PDE10A: variants seen among roughly 807,000 people sequenced by gnomAD.
The protein encoded by PDE10A is cAMP and cAMP-inhibited cGMP 3',5'-cyclic phosphodiesterase 10A.
A neutral mutation model predicts 97.7 loss-of-function variants in PDE10A; 39 were observed. That is an observed-to-expected ratio of 0.40 (90% CI 0.31 to 0.52). The LOEUF (loss-of-function observed/expected upper bound fraction) is 0.52, where lower values mean the gene tolerates loss of function less well. PDE10A is among the 20% of genes least tolerant of loss of function. The probability of loss-of-function intolerance (pLI) is 0.56; values close to 1 mark genes in which losing one functional copy is unlikely to be tolerated. For synonymous variants in PDE10A, 371 were observed against 376.8 expected, an observed-to-expected ratio of 0.98 and a Z score of 0.18; for missense variants, 731 against 1,047.8, an observed-to-expected ratio of 0.70 and a Z score of 4.17.
chr6:165,444,861 T>C (rs185254434), intron 5 of PDE10A, among the ~76,000 whole-genome samples: 1 of 152,188 alleles, frequency 6.6e-6, no homozygotes, highest in Non-Finnish European at 1.5e-5. Flanking sequence ...TGCGAAGAAA[T>C]TCATACTTTA....
chr6:165,544,618 AAAG>A (rs1434427163), intron 1 of PDE10A, among the ~76,000 whole-genome samples: 1 of 152,022 alleles, frequency 6.6e-6, no homozygotes, highest in Non-Finnish European at 1.5e-5. Flanking sequence ...CTGAGAAAAA[AAAG>A]AAGGAAAGGA....
chr6:165,591,769 T>C (rs1481135326), intron 1 of PDE10A, among the ~76,000 whole-genome samples: 1 of 152,222 alleles, frequency 6.6e-6, no homozygotes, highest in Non-Finnish European at 1.5e-5. Flanking sequence ...TACCTGACAT[T>C]GCCTTGAATG....
intron 1 of PDE10A, among the ~76,000 whole-genome samples, chr6:165,943,101 G>A (rs1050163596): frequency 6.7e-6 from 1 of 149,834 alleles, no homozygotes; most frequent in African/African-American, 2.5e-5. Context: ...AACCCAGAGA[G>A]AGGAAGGGAA....
At chr6:165,896,521 ATT>A (rs35509574) in intron 1 of PDE10A, among the ~76,000 whole-genome samples, 48 of 105,740 alleles carry the variant, frequency 4.5e-4, no homozygotes, top group Admixed American at 6.6e-4. Flanking sequence ...ACGCCAGCTA[ATT>A]TTTTTTTTTT....
intron 1 of PDE10A, among the ~76,000 whole-genome samples, chr6:165,910,238 G>A (rs563549436): frequency 5.9e-5 from 9 of 152,284 alleles, no homozygotes; most frequent in South Asian, 4.2e-4. Context: ...TCAAGAGAGC[G>A]CTAAGGCTTT....
chr6:165,658,993 T>C (rs917028507), intron 1 of PDE10A, among the ~76,000 whole-genome samples: 1 of 152,216 alleles, frequency 6.6e-6, no homozygotes, highest in African/African-American at 2.4e-5. Flanking sequence ...TAGCTTCTAC[T>C]AGGCTTCTTT....
chr6:165,486,633 C>T (rs1319082425), intron 2 of PDE10A, among the ~76,000 whole-genome samples: 2 of 152,206 alleles, frequency 1.3e-5, no homozygotes, highest in African/African-American at 4.8e-5. Context: ...GCAGAGCACA[C>T]ACATCTCATA....
chr6:165,619,370 T>C (rs374645880), intron 1 of PDE10A, among the ~76,000 whole-genome samples: 3 of 115,776 alleles, frequency 2.6e-5, no homozygotes, highest in East Asian at 2.3e-4. Flanking sequence ...TAGTGTAGTG[T>C]GGTGTAGTGT....
At chr6:165,614,786 T>C (rs9348022) in intron 1 of PDE10A, among the ~76,000 whole-genome samples, 45,183 of 151,358 alleles carry the variant, frequency 0.3, 7,337 homozygotes, top group Middle Eastern at 0.44. Context: ...CCTCAGACAG[T>C]CTCACTGACT....
At chr6:165,444,594 T>A (rs1040362970) in intron 5 of PDE10A, among the ~76,000 whole-genome samples, 1 of 152,248 alleles carries the variant, frequency 6.6e-6, no homozygotes, top group Admixed American at 6.5e-5. Context: ...CAGTTGGATC[T>A]TCTTTACAAG....
At chr6:165,468,268 T>C (rs1562495327) in intron 3 of PDE10A, among the ~76,000 whole-genome samples, 1 of 151,530 alleles carries the variant, frequency 6.6e-6, no homozygotes, top group East Asian at 1.9e-4. Flanking sequence ...TTTTTTTTTT[T>C]TAGTAGAGAT....
chr6:165,521,923 A>C (rs139718633), intron 2 of PDE10A, among the ~76,000 whole-genome samples: 2 of 152,170 alleles, frequency 1.3e-5, no homozygotes, highest in African/African-American at 4.8e-5. Flanking sequence ...GGATCATATA[A>C]TATTTGTCCA....
intron 10 of PDE10A, among the ~76,000 whole-genome samples, chr6:165,420,245 C>T (rs948679890): frequency 6.6e-6 from 1 of 152,180 alleles, no homozygotes; most frequent in Non-Finnish European, 1.5e-5. Flanking sequence ...CGCGTTCATT[C>T]ATTTCTTTAT....
intron 1 of PDE10A, among the ~76,000 whole-genome samples, chr6:165,729,884 T>C (rs1273798446): frequency 6.6e-6 from 1 of 152,214 alleles, no homozygotes; most frequent in Non-Finnish European, 1.5e-5. Flanking sequence ...GAGCAATTTC[T>C]GTTGTTTTTG....
chr6:165,624,318 T>C (rs572843105), intron 1 of PDE10A, among the ~76,000 whole-genome samples: 2 of 152,290 alleles, frequency 1.3e-5, no homozygotes, highest in East Asian at 3.9e-4. Flanking sequence ...TTGCTTCATG[T>C]CATTCCCCGA....
chr6:165,435,455 G>A, intron 5 of PDE10A, 78 bp from the exon 6 acceptor site: 10 of 1,217,094 alleles, frequency 8.2e-6, no homozygotes, highest in Non-Finnish European at 1.1e-5. Context: ...AATCCTAACA[G>A]TCATAATAAA....
chr6:165,560,518 G>A (rs576045793), intron 1 of PDE10A, among the ~76,000 whole-genome samples: 201 of 152,308 alleles, frequency 1.3e-3, no homozygotes, highest in Non-Finnish European at 2.5e-3. Context: ...GCCAGTAAAC[G>A]GGTGTTGGTT....
At chr6:165,650,735 G>C (rs1319290415) in intron 1 of PDE10A, among the ~76,000 whole-genome samples, 1 of 150,886 alleles carries the variant, frequency 6.6e-6, no homozygotes, top group Admixed American at 6.7e-5. Flanking sequence ...TCTAGAAGCA[G>C]AATTACTGAC....
At chr6:165,606,443 T>C (rs1787213166) in intron 1 of PDE10A, among the ~76,000 whole-genome samples, 1 of 152,094 alleles carries the variant, frequency 6.6e-6, no homozygotes, top group Non-Finnish European at 1.5e-5. Flanking sequence ...CCAAACACCA[T>C]GCAGAACAGC....
Sources: gnomAD v4.1 joint callset for allele counts (sites outside exome capture counted in the v4.1 genomes callset) on GRCh38, gnomAD v4.1.1 for gene constraint, MANE v1.5 for transcripts, NCBI Gene and HGNC (gene_info 2026-07-23, HGNC 2026-07-21) for gene names.